The following NLRC3 variants were observed in gnomAD, a reference collection of about 807,000 sequenced individuals.
The protein encoded by NLRC3 is NLR family CARD domain-containing protein 3.
In NLRC3, 87 loss-of-function variants were observed where a neutral mutation model predicts 91.6. That is an observed-to-expected ratio of 0.95 (90% CI 0.80 to 1.14). The LOEUF is 1.14. Ranked by LOEUF, NLRC3 falls within the 50% of genes most tolerant of loss-of-function variation. NLRC3 has a pLI of 0.00. For missense variants in NLRC3, 1,577 were observed against 1,418.6 expected (o/e 1.11, Z -1.79); for synonymous variants, 694 against 625.3 (o/e 1.11, Z -1.64).
rs921806508 is a variant in NLRC3 at position 3,565,049 on chromosome 16, C to T, written c.-13G>A. 8 of 1,606,758 alleles carry T rather than the reference C, an allele frequency of 5.0e-6. No homozygotes were observed. The highest frequency in any genetic ancestry group is 5.9e-6 in the Non-Finnish European group (7 of 1,179,362). On this transcript the variant is annotated 5_prime_UTR_variant, in exon 4 of 20. Coordinates refer to ENST00000359128, the MANE Select transcript of NLRC3 (RefSeq NM_178844.4). ...CTTGCTTCCTCATGGAGTCGGGGAT[C>T]ACCTCCAGGAGCTGTGAAGAGAGGG...
At chr16:3,544,526 G>C in intron 15 of NLRC3, 197 bp from the exon 16 acceptor site, 1 of 576,824 alleles carries the variant, frequency 1.7e-6, no homozygotes, top group Non-Finnish European at 3.1e-6. Flanking sequence ...GGCGTCTGGG[G>C]CCTGCATGAG....
chr16:3,565,222 C>T, intron 3 of NLRC3, 97 bp downstream of exon 3: 1 of 696,646 alleles, frequency 1.4e-6, no homozygotes, highest in Non-Finnish European at 2.6e-6. Flanking sequence ...ACTGGAAGGG[C>T]CATTTGTTCC....
chr16:3,552,154 T>C (rs2039050554), intron 10 of NLRC3, 42 bp downstream of exon 10: 1 of 1,197,638 alleles, frequency 8.3e-7, no homozygotes, highest in Admixed American at 1.7e-5. Context: ...GGCATTGTGC[T>C]GGGCACTGAG....
Position 3,561,737 on chromosome 16 carries a change from C to G in NLRC3, c.1980G>C (p.Val660=). 1.9e-6 allele frequency: 3 copies of G among 1,613,566 alleles called. No homozygotes were observed. The South Asian group carries it at 3.3e-5, about 18-fold the overall frequency. Reference sequence around the variant, plus strand: ...GAATGCGACAGTCCTTCCCACTCAGCACGCTGCCCAGCAGCTCCATCACGG... The same window carrying G: ...GAATGCGACAGTCCTTCCCACTCAGGACGCTGCCCAGCAGCTCCATCACGG... ...QDPVMELLGS[V]LSGKDCRIQK... The change falls in exon 6 of 20, where the codon GTG becomes GTC. Residue 660 remains valine, a synonymous_variant. Coordinates refer to ENST00000359128, the MANE Select transcript of NLRC3 (RefSeq NM_178844.4).
chr16:3,573,435 A>G (rs916970817), intron 1 of NLRC3, among the ~76,000 whole-genome samples: 4 of 152,190 alleles, frequency 2.6e-5, no homozygotes, highest in South Asian at 2.1e-4. Context: ...TCACACACAC[A>G]CACAAAAGCT....
chr16:3,548,487 T>C (rs1219902176), intron 14 of NLRC3, among the ~76,000 whole-genome samples, 183 bp downstream of exon 14: 7 of 152,202 alleles, frequency 4.6e-5, no homozygotes, highest in Non-Finnish European at 5.9e-5. Flanking sequence ...CACATGTCTG[T>C]CTGTGGGTCA....
intron 15 of NLRC3, among the ~76,000 whole-genome samples, chr16:3,546,595 T>C (rs1297391283): frequency 1.3e-5 from 2 of 151,250 alleles, no homozygotes; most frequent in East Asian, 1.9e-4. Context: ...AAGTGGGAGG[T>C]GAGAGTGAAG....
chr16:3,564,058 C>G lies in NLRC3; in HGVS notation c.879G>C (p.Glu293Asp). 1.2e-6 allele frequency: 2 copies of G among 1,612,922 alleles called. No homozygotes were observed. The highest frequency in any genetic ancestry group is 1.7e-6 in the Non-Finnish European group (2 of 1,179,852). The change falls in exon 5 of 20, where the codon GAG becomes GAC. Residue 293 changes from glutamate to aspartate, a missense_variant. Transcript: ENST00000359128. The surrounding 1 kb of genome is among the most constrained non-coding windows in gnomAD (Gnocchi z 5.9). ...ACATCTGCTCCAAACACACCTTGAT[C>G]TCCTCCTCGTTAAAGCCCCGGATCT... is the stretch of plus-strand genomic sequence containing the variant. ...MTEIRGFNEE[E>D]IKVCLEQMFP...
intron 15 of NLRC3, chr16:3,544,623 A>G (rs75238922): frequency 0.066 from 24,499 of 370,998 alleles, 926 homozygotes; most frequent in African/African-American, 0.12. Context: ...TGCTTTTCAC[A>G]GCCAACCAGA....
At chr16:3,561,239 C>T (rs2039596675) in intron 6 of NLRC3, among the ~76,000 whole-genome samples, 1 of 151,798 alleles carries the variant, frequency 6.6e-6, no homozygotes, top group Non-Finnish European at 1.5e-5. Flanking sequence ...CCCAGCTACT[C>T]AGGAGGCTGG....
At chr16:3,575,394 C>T (rs1210618868) in intron 1 of NLRC3, among the ~76,000 whole-genome samples, 1 of 152,214 alleles carries the variant, frequency 6.6e-6, no homozygotes, top group Non-Finnish European at 1.5e-5. Flanking sequence ...TATGGATGGT[C>T]AGGCGGCCCC....
intron 7 of NLRC3, 41 bp downstream of exon 7, chr16:3,557,552 G>T: frequency 1.5e-6 from 2 of 1,328,370 alleles, no homozygotes; most frequent in Non-Finnish European, 2.2e-6. Flanking sequence ...AACTCTTCTG[G>T]TTCCAATGGC....
At position 3,556,568 on chromosome 16, in the gene NLRC3, G is replaced by T. The variant is rs191288258; in HGVS notation, c.2183+343C>A. ...CACCCAGGCTGGAGTGTAGTGGCGC[G>T]ATCTCAACTTACTGCAACCTCTGCT... On this transcript the variant is annotated intron_variant, in intron 8 of 19. Transcript: ENST00000359128. 1.3e-3 allele frequency among the ~76,000 whole-genome samples: 195 copies of T among 152,000 alleles called. 1 individual carries two copies. Among genetic ancestry groups the T allele is most frequent in the Non-Finnish European group, 2.4e-3 (163 of 67,978 alleles).
chr16:3,548,772 G>A lies in NLRC3; in HGVS notation c.2604-19C>T. 6.4e-7 allele frequency: 1 copy of A among 1,564,630 alleles called. No homozygotes were observed. Among genetic ancestry groups the A allele is most frequent in the Non-Finnish European group, 8.7e-7 (1 of 1,148,008 alleles). On this transcript the variant is annotated intron_variant, in intron 13 of 19. Transcript: ENST00000359128. ...TGTCAGGCTAGGAGGAAGGGAACAGGAGCAAGTGAGCCGGGGGCCGGCTGT... is the reference window on the plus strand; with the variant it reads ...TGTCAGGCTAGGAGGAAGGGAACAGAAGCAAGTGAGCCGGGGGCCGGCTGT...
chr16:3,549,805 G>A (rs971243704), intron 11 of NLRC3, 25 bp from the exon 12 acceptor site: 37 of 1,532,840 alleles, frequency 2.4e-5, no homozygotes, highest in African/African-American at 4.1e-5. Flanking sequence ...GGCGCCCTGG[G>A]TGTGGCTGTC....
chr16:3,577,388 C>G lies in NLRC3; in HGVS notation c.-408G>C. 1.8e-6 allele frequency: 1 copy of G among 570,530 alleles called. No individual in the cohort carries two copies. The highest frequency in any genetic ancestry group is 4.5e-4 in the Middle Eastern group (1 of 2,246). The allele number at this position is 570,530 out of a possible 1,614,324, so 35.3% of individuals were successfully genotyped here. ...TCTGCAGCCCCACCGAGCCCACCGGCTGTCCCTGTGGCTCCGGGTCCTCAC... is the reference window on the plus strand; with the variant it reads ...TCTGCAGCCCCACCGAGCCCACCGGGTGTCCCTGTGGCTCCGGGTCCTCAC... On this transcript the variant is annotated 5_prime_UTR_variant, in exon 1 of 20. Coordinates refer to ENST00000359128, the MANE Select transcript of NLRC3 (RefSeq NM_178844.4).
In NLRC3 at chr16:3,563,253, C is replaced by A; in HGVS notation, c.1684G>T (p.Ala562Ser). ...CAGTGCAACACGTTGATGGCCCGTGCACAGACTGCGGCATCGGGGCGCAGG... is the reference window on the plus strand; with the variant it reads ...CAGTGCAACACGTTGATGGCCCGTGAACAGACTGCGGCATCGGGGCGCAGG... ...GCLRPDAAVCARAINVLHCLH... is the reference protein window; with the variant it reads ...GCLRPDAAVCSRAINVLHCLH... The change falls in exon 5 of 20, where the codon GCA (alanine) becomes TCA (serine). Residue 562 changes from alanine to serine, a missense_variant. Transcript: ENST00000359128. 6.2e-7 allele frequency: 1 copy of A among 1,606,508 alleles called. No individual in the cohort carries two copies. Among genetic ancestry groups the A allele is most frequent in the Non-Finnish European group, 8.5e-7 (1 of 1,178,334 alleles).
At chr16:3,550,335 C>A in intron 11 of NLRC3, 79 bp downstream of exon 11, 1 of 929,942 alleles carries the variant, frequency 1.1e-6, no homozygotes, top group East Asian at 2.5e-5. Context: ...TGGGGGACAG[C>A]CATTTTTCAG....
In NLRC3 at chr16:3,548,685, G is replaced by A; in HGVS notation, c.2672C>T (p.Thr891Ile). The change falls in exon 14 of 20, where the codon ACC (threonine) becomes ATC (isoleucine). Residue 891 changes from threonine (T) to isoleucine (I), a missense_variant. Physicochemically the swap from Thr to Ile is moderately conservative, Grantham distance 89. Transcript: ENST00000359128. ...GCAGACTCACTGAAGGGAGGTGAGG[G>A]TGCGGTTTTCTCTCACTGCCACTGC... ...AIAVAVRENR[T>I]LTSLHLQWNF... 1.3e-6 allele frequency: 2 copies of A among 1,591,742 alleles called. No homozygotes were observed. Among genetic ancestry groups the A allele is most frequent in the South Asian group, 1.1e-5 (1 of 87,140 alleles).
Sources: gnomAD v4.1 joint callset for allele counts (sites outside exome capture counted in the v4.1 genomes callset) on GRCh38, gnomAD v4.1.1 for gene constraint, Gnocchi (gnomAD v3.1) non-coding constraint, MANE v1.5 for transcripts, NCBI Gene and HGNC (gene_info 2026-07-23, HGNC 2026-07-21) for gene names.